Variants in LDLRAD4 observed in about 807,000 individuals in gnomAD.
LDLRAD4 encodes the protein low density lipoprotein receptor class A domain containing 4.
Under a neutral mutation model 17.0 loss-of-function variants are expected in LDLRAD4, and 5 were observed. The ratio of observed to expected loss-of-function variants is 0.29; its 90% confidence interval spans 0.15 to 0.62. LDLRAD4 has a LOEUF of 0.62. Ranked by LOEUF, LDLRAD4 falls within the 20% of genes least tolerant of loss-of-function variation. The pLI is 0.84. For synonymous variants in LDLRAD4, 168 were observed against 171.8 expected (o/e 0.98, Z 0.17); for missense variants, 340 against 424.7 (o/e 0.80, Z 1.75).
rs2082961307 is a variant in LDLRAD4, at chr18:13,350,227, A to G, written c.-382-37114A>G. Among the ~76,000 whole-genome samples, 15 of 152,202 alleles carry G rather than the reference A, an allele frequency of 9.9e-5. No homozygotes were observed. The South Asian group carries it at 2.9e-3, about 29-fold the overall frequency. ...CCACACTGTCTTCCACAATGGTCCA[A>G]CTAATTTACATTTCTACCATCAGTG... On this transcript the variant is annotated intron_variant, in intron 1 of 5. Transcript: ENST00000359446.
At chr18:13,610,305 T>TTTC (rs1491536129) in intron 3 of LDLRAD4, among the ~76,000 whole-genome samples, 571 of 24,348 alleles carry the variant, frequency 0.023, 187 homozygotes, top group Admixed American at 0.053. Flanking sequence ...TTTTTTTTTT[T>TTTC]GAGACGGAGT....
intron 1 of LDLRAD4, among the ~76,000 whole-genome samples, chr18:13,314,476 C>T (rs190415981): frequency 1.3e-5 from 2 of 152,240 alleles, no homozygotes; most frequent in East Asian, 3.9e-4. Context: ...CCCTGTAGAC[C>T]GACATTCCCA....
At chr18:13,577,172 C>T (rs2094786415) in intron 3 of LDLRAD4, among the ~76,000 whole-genome samples, 1 of 152,108 alleles carries the variant, frequency 6.6e-6, no homozygotes, top group Non-Finnish European at 1.5e-5. Flanking sequence ...CATAGTCACA[C>T]AAACAGAGTC....
chr18:13,404,725 G>C (rs1185855737), intron 2 of LDLRAD4, among the ~76,000 whole-genome samples: 2 of 151,886 alleles, frequency 1.3e-5, no homozygotes, highest in East Asian at 3.9e-4. Context: ...GTGAACCCGG[G>C]AGGCGGAGCT....
intron 2 of LDLRAD4, among the ~76,000 whole-genome samples, chr18:13,407,388 T>C (rs1379019795): frequency 6.6e-6 from 1 of 152,220 alleles, no homozygotes; most frequent in Non-Finnish European, 1.5e-5. Context: ...CCCAGTGTTA[T>C]AGAATGCCCA....
At chr18:13,321,629 G>A (rs539951940) in intron 1 of LDLRAD4, among the ~76,000 whole-genome samples, 2 of 152,192 alleles carry the variant, frequency 1.3e-5, no homozygotes, top group African/African-American at 2.4e-5. Context: ...ACTTTGGGAG[G>A]TCGAGGCGGG....
intron 1 of LDLRAD4, among the ~76,000 whole-genome samples, chr18:13,232,492 G>T (rs1217286185): frequency 6.6e-6 from 1 of 150,748 alleles, no homozygotes; most frequent in Non-Finnish European, 1.5e-5. Context: ...GGGGGCTGCT[G>T]CTGCCCCGTG....
intron 1 of LDLRAD4, among the ~76,000 whole-genome samples, chr18:13,326,101 A>G (rs1185266274): frequency 6.6e-6 from 1 of 152,110 alleles, no homozygotes; most frequent in African/African-American, 2.4e-5. Context: ...CATGTGGCTG[A>G]TAGCTGAGAT....
exon 6 of LDLRAD4, chr18:13,649,944 G>A: frequency 2.5e-6 from 1 of 397,544 alleles, no homozygotes; most frequent in Non-Finnish European, 4.4e-6. Flanking sequence ...TGACAGGTGG[G>A]CAAAGGGAGA....
intron 3 of LDLRAD4, among the ~76,000 whole-genome samples, chr18:13,563,574 A>C (rs2094562801): frequency 6.6e-6 from 1 of 152,240 alleles, no homozygotes; most frequent in South Asian, 2.1e-4. Context: ...TCCTTTCAGC[A>C]CAACAGAAAA....
chr18:13,639,659 G>A (rs1197109729), intron 4 of LDLRAD4, among the ~76,000 whole-genome samples: 3 of 152,128 alleles, frequency 2.0e-5, no homozygotes, highest in South Asian at 2.1e-4. Context: ...CAGCCTTCTC[G>A]GGTTTTGGCC....
At chr18:13,224,554 A>T (rs1291168171) in intron 1 of LDLRAD4, among the ~76,000 whole-genome samples, 1 of 119,744 alleles carries the variant, frequency 8.4e-6, no homozygotes, top group Non-Finnish European at 1.6e-5. Context: ...ATCTCGGCCC[A>T]CTGTAAGCTC....
chr18:13,357,156 A>C (rs1286757963), intron 1 of LDLRAD4, among the ~76,000 whole-genome samples: 1 of 152,188 alleles, frequency 6.6e-6, no homozygotes. Context: ...AAACAAAAAA[A>C]CAAAAACAAC....
intron 3 of LDLRAD4, among the ~76,000 whole-genome samples, chr18:13,587,899 A>G (rs1354231671): frequency 2.0e-5 from 3 of 152,240 alleles, no homozygotes; most frequent in Non-Finnish European, 2.9e-5. Context: ...ATGTAGTAAT[A>G]GCCGGTAGCT....
chr18:13,295,186 A>G (rs1422082187), intron 1 of LDLRAD4, among the ~76,000 whole-genome samples: 1 of 152,198 alleles, frequency 6.6e-6, no homozygotes, highest in Non-Finnish European at 1.5e-5. Flanking sequence ...GTAGAAACTC[A>G]AGATACTTTC....
chr18:13,502,372 T>C (rs1412003613), intron 3 of LDLRAD4, among the ~76,000 whole-genome samples: 1 of 152,224 alleles, frequency 6.6e-6, no homozygotes, highest in Non-Finnish European at 1.5e-5. Flanking sequence ...AAAATGCTTT[T>C]ATTTGGGTTT....
chr18:13,624,450 C>A (rs973090905), intron 4 of LDLRAD4, among the ~76,000 whole-genome samples: 2 of 152,230 alleles, frequency 1.3e-5, no homozygotes, highest in Non-Finnish European at 2.9e-5. Context: ...GGCCATGCCC[C>A]GCCTCCGCCA....
chr18:13,308,177 C>G lies in LDLRAD4; in HGVS notation c.-383+29989C>G, dbSNP rs116996114. The stretch of plus-strand genomic sequence containing the variant: ...ACTCAATGTGCCTTACAGATCCTTC[C>G]ACGTCCGCACACAGAAAGCTTCCCT... On this transcript the variant is annotated intron_variant, in intron 1 of 5. Transcript: ENST00000359446. Among the ~76,000 whole-genome samples, 3 of 152,262 alleles carry G rather than the reference C, an allele frequency of 2.0e-5. No homozygotes were observed. The East Asian group carries it at 5.8e-4, about 29-fold the overall frequency.
chr18:13,501,330 C>T (rs1438442897), intron 3 of LDLRAD4: 2 of 152,174 alleles, frequency 1.3e-5, no homozygotes, highest in African/African-American at 4.8e-5. Flanking sequence ...CCGATGTGTC[C>T]TGCCAGTGAG....
Sources: allele counts gnomAD v4.1 joint callset (sites outside exome capture counted in the v4.1 genomes callset), GRCh38; gene constraint gnomAD v4.1.1; transcripts MANE v1.5; gene names NCBI Gene and HGNC (gene_info 2026-07-23, HGNC 2026-07-21).